Variants in ZNF688 observed in about 807,000 individuals in gnomAD.
The protein encoded by ZNF688 is zinc finger protein 688.
A neutral mutation model predicts 13.2 loss-of-function variants in ZNF688; 10 were observed. The observed-to-expected ratio is 0.76, with a 90% CI of 0.47 to 1.28. The LOEUF is 1.28. Ranked by LOEUF, ZNF688 falls within the 50% of genes most tolerant of loss-of-function variation. The pLI, the probability that ZNF688 is intolerant of heterozygous loss-of-function variation, is 0.00. For synonymous variants in ZNF688, 160 were observed against 159.4 expected (o/e 1.00, Z -0.03); for missense variants, 381 against 391.4 (o/e 0.97, Z 0.22).
upstream of ZNF688, among the ~76,000 whole-genome samples, chr16:30,576,371 C>T (rs913227778): frequency 6.6e-6 from 1 of 152,246 alleles, no homozygotes; most frequent in South Asian, 2.1e-4. Flanking sequence ...GCCACCACGC[C>T]GGCTAATTTT....
intron 2 of ZNF688, 77 bp from the exon 3 acceptor site, chr16:30,570,513 A>G: frequency 6.6e-7 from 1 of 1,514,566 alleles, no homozygotes; most frequent in Non-Finnish European, 8.8e-7. Context: ...CTTTTCACTT[A>G]AGGCAGTGAG....
chr16:30,579,923 T>G, the ZNF688 span: 1 of 452,724 alleles, frequency 2.2e-6, no homozygotes, highest in South Asian at 1.6e-5. Context: ...AGTCTCACTT[T>G]GTCGCCCAGG....
chr16:30,579,694 T>C, the ZNF688 span: 1 of 433,040 alleles, frequency 2.3e-6, no homozygotes. Flanking sequence ...TTCCCATTAA[T>C]TATCTTGGAA....
Position 30,570,431 on chromosome 16 carries a change from C to T in ZNF688, c.316G>A (p.Val106Ile). 6.2e-7 allele frequency: 1 copy of T among 1,608,976 alleles called. No individual in the cohort carries two copies. Among genetic ancestry groups the T allele is most frequent in the Non-Finnish European group, 8.5e-7 (1 of 1,177,826 alleles). Residue 106 changes from valine (V) to isoleucine (I), a missense_variant, in exon 3 of 3, where the codon GTC becomes ATC. By Grantham distance (29) the Val-to-Ile change is conservative. Transcript: ENST00000223459. ...ERLGGARRGD[V>I]PNRKEEEPEE... ...GGTTCCTCTTCCTTCCTGTTTGGGACATCTCCTGGGAAACCGGAATTAAGT... is the reference window on the plus strand; with the variant it reads ...GGTTCCTCTTCCTTCCTGTTTGGGATATCTCCTGGGAAACCGGAATTAAGT...
In ZNF688 at chr16:30,569,838, C is replaced by G. The variant is rs2051642001; in HGVS notation, c.*78G>C. On this transcript the variant is annotated 3_prime_UTR_variant, in exon 3 of 3. Transcript: ENST00000223459. ...GGGCATGAATTTCAGTTCCGGAGTC[C>G]CCGACTCAGTGGCCCACCTCAGGGA... 1.4e-6 allele frequency: 2 copies of G among 1,474,852 alleles called. No homozygotes were observed. Among genetic ancestry groups the G allele is most frequent in the Non-Finnish European group, 9.0e-7 (1 of 1,112,976 alleles). The allele number at this position is 1,474,852 out of a possible 1,614,324, so 91.4% of individuals were successfully genotyped here.
chr16:30,574,019 G>A, upstream of ZNF688: 1 of 189,992 alleles, frequency 5.3e-6, no homozygotes, highest in Non-Finnish European at 1.1e-5. Context: ...GGCTGAGGTG[G>A]GCAGATTGCT....
upstream of ZNF688, among the ~76,000 whole-genome samples, chr16:30,574,227 C>T (rs1196273144): frequency 1.3e-5 from 2 of 150,852 alleles, no homozygotes; most frequent in African/African-American, 4.9e-5. Context: ...ACCTGCGTGA[C>T]AGAGTGAGAC....
chr16:30,572,097 T>G (rs1402372920), upstream of ZNF688: 2 of 1,537,800 alleles, frequency 1.3e-6, no homozygotes, highest in Admixed American at 2.0e-5. Context: ...TCAAGAAAGA[T>G]GTAAGGGCCC....
At chr16:30,578,508 TA>T in the ZNF688 span, 3 of 152,204 alleles carry the variant, frequency 2.0e-5, no homozygotes, top group African/African-American at 7.2e-5. Context: ...AACTGAACTT[TA>T]AGTGGGAGCT....
chr16:30,574,544 T>TAA (rs201994070), upstream of ZNF688, among the ~76,000 whole-genome samples: 468 of 135,354 alleles, frequency 3.5e-3, 2 homozygotes, highest in African/African-American at 8.2e-3. Context: ...AGACTCCATC[T>TAA]AAAAAAAAAA....
chr16:30,570,024 C>T lies in ZNF688; in HGVS notation c.723G>A (p.Arg241=). 6.2e-7 allele frequency: 1 copy of T among 1,610,920 alleles called. No individual in the cohort carries two copies. Among genetic ancestry groups the T allele is most frequent in the East Asian group, 2.2e-5 (1 of 44,848 alleles). The change falls in exon 3 of 3, where the codon CGG becomes CGA. Residue 241 remains arginine (R), a synonymous_variant. Transcript: ENST00000223459. The part of the protein sequence containing the change: ...WIHRSCSGGR[R]GRRPGIRAVP... ...CAGCCCGGATCCCAGGCCTCCGGCC[C>T]CGCCGCCCCCCGGAGCAGGAGCGGT...
the ZNF688 span, chr16:30,578,904 A>C: frequency 2.0e-5 from 3 of 148,146 alleles, no homozygotes; most frequent in African/African-American, 7.5e-5. Context: ...ATAGCCTCAA[A>C]CTCCTGGGCT....
chr16:30,571,482 G>T lies in ZNF688; in HGVS notation c.148C>A (p.Leu50Met). 1 of 1,590,650 alleles carries T rather than the reference G, an allele frequency of 6.3e-7. No individual in the cohort carries two copies. Among genetic ancestry groups the T allele is most frequent in the South Asian group, 1.1e-5 (1 of 87,492 alleles). ...GTCTCCTGCATCACGTCCCGGTACA[G>T]AGCCCTCTGCGCGGGCCGCAGACAG... ...WGCLRPAQRA[L>M]YRDVMQETYG... The change falls in exon 1 of 3, where the codon CTG becomes ATG. Residue 50 changes from leucine to methionine, a missense_variant. Coordinates refer to ENST00000223459, the MANE Select transcript of ZNF688 (RefSeq NM_145271.4).
At chr16:30,571,394 C>T in intron 1 of ZNF688, 40 bp downstream of exon 1, 1 of 1,544,748 alleles carries the variant, frequency 6.5e-7, no homozygotes, top group Non-Finnish European at 8.7e-7. Context: ...CCCCTGTGAA[C>T]CCGGTGAAGG....
upstream of ZNF688, chr16:30,571,949 T>C: frequency 7.7e-7 from 1 of 1,296,620 alleles, no homozygotes; most frequent in African/African-American, 1.5e-5. Context: ...GGCGCCATTA[T>C]TTGACCATAT....
At chr16:30,571,824 TC>T, upstream of ZNF688, 1 of 1,308,182 alleles carries the variant, frequency 7.6e-7, no homozygotes, top group Non-Finnish European at 9.7e-7. Flanking sequence ...ATATAATTCC[TC>T]AGTGTTTATT....
chr16:30,574,358 C>A (rs2051726855), upstream of ZNF688, among the ~76,000 whole-genome samples: 1 of 151,888 alleles, frequency 6.6e-6, no homozygotes, highest in Admixed American at 6.6e-5. Flanking sequence ...CCAGCCTGGC[C>A]AACATGGCAA....
rs1293253382 is a variant in ZNF688, at chr16:30,571,138, G to A, written c.197-15C>T. ...GCCTGGGAATCCTGGGAGAGAACAG[G>A]GATCACAGCGCGGGCCTGAGAGGCC... On this transcript the variant is annotated splice_polypyrimidine_tract_variant and intron_variant, in intron 1 of 2. Transcript: ENST00000223459. 5.1e-6 allele frequency: 8 copies of A among 1,567,892 alleles called. No individual in the cohort carries two copies. The highest frequency in any genetic ancestry group is 6.9e-6 in the Non-Finnish European group (8 of 1,157,062).
chr16:30,576,545 G>A (rs1273921425), upstream of ZNF688, among the ~76,000 whole-genome samples: 5 of 152,140 alleles, frequency 3.3e-5, no homozygotes, highest in Admixed American at 1.3e-4. Flanking sequence ...TAGAGATGGA[G>A]TTTCACCATG....
Sources: allele counts gnomAD v4.1 joint callset (sites outside exome capture counted in the v4.1 genomes callset), GRCh38; gene constraint gnomAD v4.1.1; transcripts MANE v1.5; gene names NCBI Gene and HGNC (gene_info 2026-07-23, HGNC 2026-07-21).